JAG1: variants seen among roughly 807,000 people sequenced by gnomAD.
JAG1 encodes jagged canonical Notch ligand 1.
In JAG1, 23 loss-of-function variants were observed where a neutral mutation model predicts 148.7. That is an observed-to-expected ratio of 0.15 (90% CI 0.11 to 0.22). The LOEUF (loss-of-function observed/expected upper bound fraction) is 0.22. JAG1 is among the 10% of genes least tolerant of loss of function. The pLI is 1.00. For missense variants in JAG1, 1,054 were observed against 1,611.2 expected, an observed-to-expected ratio of 0.65 and a Z score of 5.92; for synonymous variants, 572 against 598.3, an observed-to-expected ratio of 0.96 and a Z score of 0.64.
chr20:10,639,610 TCTC>T lies in JAG1; in HGVS notation c.3542_3544del (p.Arg1181_Glu1182delinsLys). The stretch of plus-strand genomic sequence containing the variant: ...CGGCGTGCCGTTGGGGGGCTTCTCT[TCTC>T]TGTCTACCAGCGTGTACGCCGGCTG... On this transcript the variant is annotated inframe_deletion, in exon 26 of 26. Coordinates refer to ENST00000254958, the MANE Select transcript of JAG1 (RefSeq NM_000214.3). The T allele has an allele frequency of 6.2e-7, 1 of 1,614,238 alleles. No individual in the cohort carries two copies. The highest frequency in any genetic ancestry group is 8.5e-7 in the Non-Finnish European group (1 of 1,180,032).
At chr20:10,663,617 G>A (rs975248455) in intron 3 of JAG1, among the ~76,000 whole-genome samples, 4 of 152,184 alleles carry the variant, frequency 2.6e-5, no homozygotes, top group African/African-American at 9.7e-5. Context: ...CTCACTTAAA[G>A]TTTAAATGGA....
At chr20:10,644,481 A>G in intron 18 of JAG1, 97 bp from the exon 19 acceptor site, 1 of 963,900 alleles carries the variant, frequency 1.0e-6, no homozygotes, top group Non-Finnish European at 1.7e-6. Flanking sequence ...TACCCAAATG[A>G]TAAAGTCGTA....
intron 3 of JAG1, among the ~76,000 whole-genome samples, chr20:10,659,062 T>C (rs1347068997): frequency 6.6e-6 from 1 of 150,754 alleles, no homozygotes; most frequent in African/African-American, 2.4e-5. Context: ...GTTCCCACAA[T>C]GAGATACTCT....
In JAG1 at chr20:10,645,078, GC is replaced by G; in HGVS notation, c.2227+64del. The G allele has an allele frequency of 6.6e-7, 1 of 1,519,822 alleles. No individual in the cohort carries two copies. The allele number at this position is 1,519,822 out of a possible 1,614,324, so 94.1% of individuals were successfully genotyped here. ...CAGAGAAATATCATAAGCTCCAGGG[GC>G]CAACCAGCAGACACGCCCAGGTGGC... On this transcript the variant is annotated intron_variant, in intron 17 of 25. Coordinates refer to ENST00000254958, the MANE Select transcript of JAG1 (RefSeq NM_000214.3). This position sits in a 1 kb window ranked among gnomAD's most constrained non-coding sequence, Gnocchi z 6.1.
At chr20:10,653,952 T>C (rs2122617021) in intron 5 of JAG1, among the ~76,000 whole-genome samples, 1 of 151,800 alleles carries the variant, frequency 6.6e-6, no homozygotes, top group Non-Finnish European at 1.5e-5. Context: ...TTCTGGTTTA[T>C]GTAAAATGGA....
rs1372239467 is a variant in JAG1 at position 10,646,103 on chromosome 20, CAA to C, written c.1886-21_1886-20del. 1 of 1,567,884 alleles carries C rather than the reference CAA, an allele frequency of 6.4e-7. No individual in the cohort carries two copies. The highest frequency in any genetic ancestry group is 1.4e-5 in the African/African-American group (1 of 73,992). ...TTAATATCTATGAAACAAAGTAAAGCAAAAAAAGAACTGAAGGACTTGTGAAG... is the reference window on the plus strand; with the variant it reads ...TTAATATCTATGAAACAAAGTAAAGCAAAAAGAACTGAAGGACTTGTGAAG... On this transcript the variant is annotated intron_variant, in intron 14 of 25. Coordinates refer to ENST00000254958, the MANE Select transcript of JAG1 (RefSeq NM_000214.3).
rs766086286 is a variant in JAG1 at position 10,641,200 on chromosome 20, A to T, written c.2961T>A (p.Asn987Lys). 1 of 1,614,012 alleles carries T rather than the reference A, an allele frequency of 6.2e-7. No homozygotes were observed. The highest frequency in any genetic ancestry group is 8.5e-7 in the Non-Finnish European group (1 of 1,180,018). The change falls in exon 24 of 26, where the codon AAT becomes AAA. Residue 987 changes from asparagine to lysine, a missense_variant. Physicochemically the swap from Asn to Lys is moderately conservative, Grantham distance 94. Coordinates refer to ENST00000254958, the MANE Select transcript of JAG1 (RefSeq NM_000214.3). ...ATTCAGCGGAAACATTCTTCAAAAT[A>T]TTCAAATTCCTCAATTCACTGCAAA... ...EHICSELRNLNILKNVSAEYS... is the reference protein window; with the variant it reads ...EHICSELRNLKILKNVSAEYS...
chr20:10,647,850 G>C, intron 13 of JAG1, 110 bp downstream of exon 13: 1 of 1,169,232 alleles, frequency 8.6e-7, no homozygotes. Flanking sequence ...CACTATAGAG[G>C]TCCTCCTCAC....
At chr20:10,648,377 G>A (rs540925224) in intron 12 of JAG1, among the ~76,000 whole-genome samples, 172 bp downstream of exon 12, 3 of 152,144 alleles carry the variant, frequency 2.0e-5, no homozygotes, top group East Asian at 1.9e-4. Context: ...AAAATAATTC[G>A]TCAGTATCTC....
Position 10,673,577 on chromosome 20 carries a change from C to G in JAG1, c.-47G>C. On this transcript the variant is annotated 5_prime_UTR_variant, in exon 1 of 26. Transcript: ENST00000254958. This position sits in a 1 kb window ranked among gnomAD's most constrained non-coding sequence, Gnocchi z 4.7. ...CACTCGGGACGCCGCCGCTGCTGTT[C>G]GCGCTGGTGCTGCCGCCGGTGCTGC... is the stretch of plus-strand genomic sequence containing the variant. 1 of 1,112,936 alleles carries G rather than the reference C, an allele frequency of 9.0e-7. No individual in the cohort carries two copies. 68.9% of individuals were successfully genotyped at this position (1,112,936 alleles called of 1,614,324 possible).
Position 10,643,688 on chromosome 20 carries a change from T to C in JAG1, c.2458+90A>G. On this transcript the variant is annotated intron_variant, in intron 20 of 25. Coordinates refer to ENST00000254958, the MANE Select transcript of JAG1 (RefSeq NM_000214.3). Reference sequence around the variant, plus strand: ...TATGAGAGCTACTTAAAGGGAATGGTGGCTTTGTTTTTAAAGATGAAAGTC... The same window carrying C: ...TATGAGAGCTACTTAAAGGGAATGGCGGCTTTGTTTTTAAAGATGAAAGTC... The C allele has an allele frequency of 3.1e-6, 3 of 982,376 alleles. 1 individual carries two copies. Among genetic ancestry groups the C allele is most frequent in the South Asian group, 2.7e-5 (2 of 73,934 alleles). 60.9% of individuals were successfully genotyped at this position (982,376 alleles called of 1,614,324 possible). A position where few individuals can be genotyped will look rare whatever the true frequency, so the allele number is the denominator to read the frequency against.
intron 4 of JAG1, among the ~76,000 whole-genome samples, chr20:10,657,450 T>C (rs950751444): frequency 6.6e-6 from 1 of 152,204 alleles, no homozygotes; most frequent in African/African-American, 2.4e-5. Context: ...CCCTTTTCAT[T>C]TGAATTCCAG....
chr20:10,673,360 G>T lies in JAG1; in HGVS notation c.81+90C>A. On this transcript the variant is annotated intron_variant, in intron 1 of 25. Transcript: ENST00000254958. The surrounding 1 kb of genome is among the most constrained non-coding windows in gnomAD (Gnocchi z 4.7). ...GCGAGGAGTCGGGCGCTCGAGGGCT[G>T]CCGAGCCTGCTCGCGGGGCTCAACC... is the stretch of plus-strand genomic sequence containing the variant. 1 of 1,012,410 alleles carries T rather than the reference G, an allele frequency of 9.9e-7. No homozygotes were observed. The highest frequency in any genetic ancestry group is 1.4e-6 in the Non-Finnish European group (1 of 710,450). 62.7% of individuals were successfully genotyped at this position (1,012,410 alleles called of 1,614,324 possible).
intron 14 of JAG1, chr20:10,646,411 A>C: frequency 2.6e-6 from 1 of 390,528 alleles, no homozygotes; most frequent in Non-Finnish European, 4.9e-6. Context: ...GCTCCGAGGC[A>C]GAGTGATCTG....
Position 10,645,429 on chromosome 20 carries a change from G to A in JAG1, c.2040C>T (p.Gly680=). 2 of 1,613,806 alleles carry A rather than the reference G, an allele frequency of 1.2e-6. No individual in the cohort carries two copies. Among genetic ancestry groups the A allele is most frequent in the Non-Finnish European group, 1.7e-6 (2 of 1,179,968 alleles). The change falls in exon 16 of 26, where the codon GGC becomes GGT. Residue 680 remains glycine (G), a synonymous_variant. Coordinates refer to ENST00000254958, the MANE Select transcript of JAG1 (RefSeq NM_000214.3). This position sits in a 1 kb window ranked among gnomAD's most constrained non-coding sequence, Gnocchi z 6.1. ...DCSQNPCHNG[G]TCRDLVNDFY... is the part of the protein sequence containing the mutation. ...AGTCATTGACCAGGTCGCGACACGTGCCCCCATTGTGGCAGGGGTTCTGGC... is the reference window on the plus strand; with the variant it reads ...AGTCATTGACCAGGTCGCGACACGTACCCCCATTGTGGCAGGGGTTCTGGC...
chr20:10,645,538 G>C lies in JAG1; in HGVS notation c.2000-69C>G. On this transcript the variant is annotated intron_variant, in intron 15 of 25. Coordinates refer to ENST00000254958, the MANE Select transcript of JAG1 (RefSeq NM_000214.3). This position sits in a 1 kb window ranked among gnomAD's most constrained non-coding sequence, Gnocchi z 6.1. The stretch of plus-strand genomic sequence containing the variant: ...ACCATTCACGACAGGCGAGAGCCAA[G>C]CCTTTCCTACTGCTTACATCCAACA... 8.1e-7 allele frequency: 1 copy of C among 1,237,152 alleles called. No individual in the cohort carries two copies. The highest frequency in any genetic ancestry group is 1.2e-6 in the Non-Finnish European group (1 of 842,800). 76.6% of individuals were successfully genotyped at this position (1,237,152 alleles called of 1,614,324 possible).
rs770197804 is a variant in JAG1 at position 10,639,894 on chromosome 20, C to T, written c.3261G>A (p.Thr1087=). ...LTVAWICCLV[T]AFYWCLRKRR... ...GCTTCCGCAGGCACCAGTAGAAGGC[C>T]GTCACCAAGCAACAGATCCAAGCCA... The change falls in exon 26 of 26, where the codon ACG becomes ACA. Residue 1087 remains threonine, a synonymous_variant. Coordinates refer to ENST00000254958, the MANE Select transcript of JAG1 (RefSeq NM_000214.3). The T allele has an allele frequency of 2.2e-5, 35 of 1,614,038 alleles. No individual in the cohort carries two copies. Among genetic ancestry groups the T allele is most frequent in the South Asian group, 1.2e-4 (11 of 91,082 alleles).
intron 2 of JAG1, among the ~76,000 whole-genome samples, chr20:10,664,258 T>C (rs974142425): frequency 1.5e-4 from 23 of 152,138 alleles, no homozygotes; most frequent in Admixed American, 2.6e-4. Context: ...GGAGTCAACA[T>C]GCATGCAGGC....
At position 10,651,603 on chromosome 20, in the gene JAG1, C is replaced by G. The variant is rs1206061072; in HGVS notation, c.1098G>C (p.Trp366Cys). 1 of 1,613,314 alleles carries G rather than the reference C, an allele frequency of 6.2e-7. No individual in the cohort carries two copies. Among genetic ancestry groups the G allele is most frequent in the Non-Finnish European group, 8.5e-7 (1 of 1,179,424 alleles). ...LGFECECSPG[W>C]TGPTCSTNID... The stretch of plus-strand genomic sequence containing the variant: ...TACTTGTAGAGCATGTGGGGCCGGT[C>G]CAGCCTGGGGAACACTCACACTCAA... Residue 366 changes from tryptophan (W) to cysteine (C), a missense_variant, in exon 8 of 26, where the codon TGG becomes TGC. Coordinates refer to ENST00000254958, the MANE Select transcript of JAG1 (RefSeq NM_000214.3).
Sources: gnomAD v4.1 joint callset for allele counts (sites outside exome capture counted in the v4.1 genomes callset) on GRCh38, gnomAD v4.1.1 for gene constraint, Gnocchi (gnomAD v3.1) non-coding constraint, MANE v1.5 for transcripts, NCBI Gene and HGNC (gene_info 2026-07-23, HGNC 2026-07-21) for gene names.